The following C11orf52 variants were observed in gnomAD, a reference collection of about 807,000 sequenced individuals.
The protein encoded by C11orf52 is uncharacterized protein C11orf52.
C11orf52 carries 9 observed loss-of-function variants against 11.7 expected under a neutral mutation model. The ratio of observed to expected loss-of-function variants is 0.77; its 90% CI spans 0.46 to 1.34. The LOEUF is 1.34. C11orf52 is among the 40% of genes most tolerant of loss of function. The pLI, the probability that C11orf52 is intolerant of heterozygous loss-of-function variation, is 0.00. For synonymous variants in C11orf52, 49 were observed against 57.4 expected (o/e 0.85, Z 0.66); for missense variants, 139 against 154.8 (o/e 0.90, Z 0.54).
At position 111,926,464 on chromosome 11, in the gene C11orf52, GT is replaced by G. The variant is rs782161844; in HGVS notation, c.*266del. 3.8e-6 allele frequency: 2 copies of G among 527,614 alleles called. No homozygotes were observed. The highest frequency in any genetic ancestry group is 6.8e-6 in the Non-Finnish European group (2 of 294,714). The allele number at this position is 527,614 out of a possible 1,614,324, so 32.7% of individuals were successfully genotyped here. A position where few individuals can be genotyped will look rare whatever the true frequency, so the allele number is the denominator to read the frequency against. The stretch of plus-strand genomic sequence containing the variant: ...GAGGTTAGGTGGAGTGTGCAGGGAG[GT>G]AGGTCTTCGACCCCACCATTGTTGC... On this transcript the variant is annotated 3_prime_UTR_variant, in exon 4 of 4. Transcript: ENST00000278601.
Position 111,925,225 on chromosome 11 carries a change from A to AT in C11orf52, c.71-426dup, listed in dbSNP as rs1273058244. Among the ~76,000 whole-genome samples the AT allele has an allele frequency of 8.5e-4, 128 of 151,430 alleles. 1 individual carries two copies. Among genetic ancestry groups the AT allele is most frequent in the African/African-American group, 2.8e-3 (115 of 41,364 alleles). ...AAAAAAAAAAAAAGAGACTGACCTG[A>AT]TTCAAAGTGGCTGATTGGTATAGCT... On this transcript the variant is annotated intron_variant, in intron 2 of 3. Coordinates refer to ENST00000278601, the MANE Select transcript of C11orf52 (RefSeq NM_080659.3).
intron 1 of C11orf52, among the ~76,000 whole-genome samples, chr11:111,921,798 T>G (rs1555166586): frequency 6.6e-6 from 1 of 152,234 alleles, no homozygotes; most frequent in Non-Finnish European, 1.5e-5. Flanking sequence ...ATTTAATCCT[T>G]ACAATAATCC....
Position 111,926,129 on chromosome 11 carries a change from C to A in C11orf52, c.302C>A (p.Thr101Lys). 6.2e-7 allele frequency: 1 copy of A among 1,614,256 alleles called. No homozygotes were observed. The highest frequency in any genetic ancestry group is 8.5e-7 in the Non-Finnish European group (1 of 1,180,050). Reference protein sequence around the residue: ...EVKHVHLENATEYATLRFPQA... With the variant: ...EVKHVHLENAKEYATLRFPQA... ...AAACACGTGCATTTAGAAAACGCTA[C>A]AGAGTATGCGACCCTTCGCTTCCCC... The change falls in exon 4 of 4, where the codon ACA (threonine) becomes AAA (lysine). Residue 101 changes from threonine to lysine, a missense_variant. Physicochemically the swap from Thr to Lys is moderately conservative, Grantham distance 78 (BLOSUM62 -1). Coordinates refer to ENST00000278601, the MANE Select transcript of C11orf52 (RefSeq NM_080659.3).
intron 1 of C11orf52, among the ~76,000 whole-genome samples, chr11:111,920,012 G>A (rs902665884): frequency 1.3e-5 from 2 of 151,920 alleles, no homozygotes; most frequent in African/African-American, 2.4e-5. Flanking sequence ...TGGCTAACAC[G>A]GTGAAACCCC....
intron 1 of C11orf52, among the ~76,000 whole-genome samples, chr11:111,920,195 AAAAAT>A (rs1196031817): frequency 6.6e-6 from 1 of 152,030 alleles, no homozygotes; most frequent in African/African-American, 2.4e-5. Flanking sequence ...ACTCCGTCTC[AAAAAT>A]AAAATAAAAT....
Position 111,925,983 on chromosome 11 carries a change from G to A in C11orf52, c.156G>A (p.Thr52=), listed in dbSNP as rs370321292. The part of the protein sequence containing the change: ...LPKGHETTGH[T]YERVLQQQGS... ...AGGGCCATGAAACAACAGGACATAC[G>A]TATGAACGGGTGTTACAGCAGCAAG... Residue 52 remains threonine, a synonymous_variant, in exon 4 of 4, where the codon ACG becomes ACA. Coordinates refer to ENST00000278601, the MANE Select transcript of C11orf52 (RefSeq NM_080659.3). 1 of 1,614,188 alleles carries A rather than the reference G, an allele frequency of 6.2e-7. No homozygotes were observed. The highest frequency in any genetic ancestry group is 1.3e-5 in the African/African-American group (1 of 75,064).
In C11orf52 at chr11:111,926,381, G is replaced by A; in HGVS notation, c.*182G>A. 1.1e-6 allele frequency: 1 copy of A among 883,378 alleles called. No homozygotes were observed. The allele number at this position is 883,378 out of a possible 1,614,324, so 54.7% of individuals were successfully genotyped here. Reference sequence around the variant, plus strand: ...CCTGGCCTCTTACTTGCCACTGTTAGGTTGGAGTTAATAGTTGGTTTAGCT... The same window carrying A: ...CCTGGCCTCTTACTTGCCACTGTTAAGTTGGAGTTAATAGTTGGTTTAGCT... On this transcript the variant is annotated 3_prime_UTR_variant, in exon 4 of 4. Transcript: ENST00000278601.
intron 2 of C11orf52, 65 bp downstream of exon 2, chr11:111,924,428 T>C: frequency 7.3e-7 from 1 of 1,378,996 alleles, no homozygotes. Context: ...AGAACTCCAA[T>C]CTTTGGAAAG....
intron 1 of C11orf52, among the ~76,000 whole-genome samples, chr11:111,919,430 G>A (rs782606653): frequency 1.3e-5 from 2 of 152,058 alleles, no homozygotes; most frequent in South Asian, 2.1e-4. Flanking sequence ...CCGAGATCGC[G>A]CCACTGCACT....
In C11orf52 at chr11:111,926,137, G is replaced by T; in HGVS notation, c.310G>T (p.Ala104Ser). The change falls in exon 4 of 4, where the codon GCG (alanine) becomes TCG (serine). Residue 104 changes from alanine (A) to serine (S), a missense_variant. Transcript: ENST00000278601. The part of the protein sequence containing the change: ...HVHLENATEY[A>S]TLRFPQATPR... ...GCATTTAGAAAACGCTACAGAGTAT[G>T]CGACCCTTCGCTTCCCCCAGGCCAC... The T allele has an allele frequency of 6.2e-7, 1 of 1,614,280 alleles. No individual in the cohort carries two copies. Among genetic ancestry groups the T allele is most frequent in the South Asian group, 1.1e-5 (1 of 91,090 alleles).
intron 1 of C11orf52, among the ~76,000 whole-genome samples, chr11:111,922,333 T>C (rs1236295491): frequency 6.6e-6 from 1 of 152,268 alleles, no homozygotes; most frequent in Admixed American, 6.5e-5. Context: ...TATTTTTTGT[T>C]ATCTCAATAA....
At chr11:111,923,137 G>C (rs1965726842) in intron 1 of C11orf52, among the ~76,000 whole-genome samples, 1 of 152,216 alleles carries the variant, frequency 6.6e-6, no homozygotes, top group Non-Finnish European at 1.5e-5. Flanking sequence ...AAGTGGCAAA[G>C]AATTAGAAGA....
Position 111,918,941 on chromosome 11 carries a change from A to G in C11orf52, c.-32A>G. ...AATGCACAAGCCTCTTGATGCATAA[A>G]AACAGCTGGGCTCCCTTGGAGACAG... On this transcript the variant is annotated 5_prime_UTR_variant, in exon 1 of 4. Coordinates refer to ENST00000278601, the MANE Select transcript of C11orf52 (RefSeq NM_080659.3). 1 of 1,614,110 alleles carries G rather than the reference A, an allele frequency of 6.2e-7. No homozygotes were observed. The highest frequency in any genetic ancestry group is 1.7e-5 in the Admixed American group (1 of 60,012).
chr11:111,922,769 G>T (rs1315878179), intron 1 of C11orf52, among the ~76,000 whole-genome samples: 2 of 152,044 alleles, frequency 1.3e-5, no homozygotes, highest in Admixed American at 6.6e-5. Context: ...ATCCATATTT[G>T]TACATGTATA....
chr11:111,924,913 C>T (rs1965762018), intron 2 of C11orf52, among the ~76,000 whole-genome samples: 1 of 152,108 alleles, frequency 6.6e-6, no homozygotes, highest in African/African-American at 2.4e-5. Flanking sequence ...CACTTGAGAT[C>T]AGGAGTTTGG....
At position 111,925,648 on chromosome 11, in the gene C11orf52, C is replaced by T. The variant is rs1362619401; in HGVS notation, c.71-5C>T. The T allele has an allele frequency of 1.9e-6, 3 of 1,614,006 alleles. No homozygotes were observed. Among genetic ancestry groups the T allele is most frequent in the Non-Finnish European group, 2.5e-6 (3 of 1,179,994 alleles). ...ATAAACTTAAGTTGGATTTCTTCCC[C>T]TCAGGAAGCCAAACAAGACGGACAC... On this transcript the variant is annotated splice_region_variant and splice_polypyrimidine_tract_variant and intron_variant, in intron 2 of 3. Transcript: ENST00000278601.
rs781805876 is a variant in C11orf52 at position 111,919,023 on chromosome 11, C to T, written c.32+19C>T. The T allele has an allele frequency of 1.2e-6, 2 of 1,614,002 alleles. No individual in the cohort carries two copies. The highest frequency in any genetic ancestry group is 2.2e-5 in the East Asian group (1 of 44,880). ...GAAGCTGGTGAGTAGGCTGGAAGGG[C>T]AAAGGGGAACATCTATCTCTGTTGG... On this transcript the variant is annotated intron_variant, in intron 1 of 3. Coordinates refer to ENST00000278601, the MANE Select transcript of C11orf52 (RefSeq NM_080659.3).
chr11:111,924,332 C>A lies in C11orf52; in HGVS notation c.39C>A (p.Cys13Ter). Reference sequence around the variant, plus strand: ...TCTGTTTTTCCTATTACAGGAGCTGCCCATCAACTTTCCAGAAGAAAAAGA... The same window carrying A: ...TCTGTTTTTCCTATTACAGGAGCTGACCATCAACTTTCCAGAAGAAAAAGA... ...NRVCCGGSWS[C>*]PSTFQKKKKT... is the part of the protein sequence containing the mutation. Residue 13 changes from cysteine (C) to a stop codon, truncating the protein, a stop_gained, in exon 2 of 4, where the codon TGC becomes TGA. Transcript: ENST00000278601. LOFTEE classifies it high-confidence loss of function. 6.2e-7 allele frequency: 1 copy of A among 1,613,358 alleles called. No homozygotes were observed. The highest frequency in any genetic ancestry group is 8.5e-7 in the Non-Finnish European group (1 of 1,179,650).
intron 1 of C11orf52, 126 bp from the exon 2 acceptor site, chr11:111,924,200 A>G: frequency 2.3e-6 from 2 of 876,410 alleles, no homozygotes; most frequent in South Asian, 3.4e-5. Flanking sequence ...GCTCAGGGTG[A>G]ATCTTTGTTA....
Sources: gnomAD v4.1 joint callset for allele counts (sites outside exome capture counted in the v4.1 genomes callset) on GRCh38, gnomAD v4.1.1 for gene constraint, MANE v1.5 for transcripts, NCBI Gene and HGNC (gene_info 2026-07-23, HGNC 2026-07-21) for gene names.